Variants in CCDC85A observed in about 807,000 individuals in gnomAD.
CCDC85A encodes coiled-coil domain containing 85A, also known as coiled-coil domain-containing protein 85A.
A neutral mutation model predicts 50.2 loss-of-function variants in CCDC85A; 38 were observed. The observed-to-expected ratio is 0.76, with a 90% CI of 0.58 to 0.99. CCDC85A has a LOEUF of 0.99. Ranked by LOEUF, CCDC85A falls within the 50% of genes least tolerant of loss-of-function variation. CCDC85A has a pLI of 0.00. For synonymous variants in CCDC85A, 366 were observed against 301.4 expected, an observed-to-expected ratio of 1.21 and a Z score of -2.22; for missense variants, 820 against 742.0, an observed-to-expected ratio of 1.11 and a Z score of -1.22.
intron 2 of CCDC85A, among the ~76,000 whole-genome samples, chr2:56,287,117 A>G (rs184861693): frequency 3.4e-4 from 52 of 152,218 alleles, no homozygotes; most frequent in African/African-American, 1.1e-3. Context: ...GTTTTTGTTC[A>G]TCTCCCAGGC....
At chr2:56,207,041 A>G (rs1177624175) in intron 2 of CCDC85A, among the ~76,000 whole-genome samples, 1 of 152,202 alleles carries the variant, frequency 6.6e-6, no homozygotes, top group Non-Finnish European at 1.5e-5. Flanking sequence ...GAAAATCAAT[A>G]AACTAATTCT....
chr2:56,198,211 A>T (rs951888328), intron 2 of CCDC85A, among the ~76,000 whole-genome samples: 2 of 152,272 alleles, frequency 1.3e-5, no homozygotes, highest in Non-Finnish European at 2.9e-5. Context: ...AGTAGTGTGC[A>T]CTATAGCATG....
intron 4 of CCDC85A, 135 bp from the exon 5 acceptor site, chr2:56,375,681 G>A (rs1047045153): frequency 2.4e-6 from 2 of 818,074 alleles, no homozygotes; most frequent in African/African-American, 1.7e-5. Flanking sequence ...CAGATTGATA[G>A]CATTGTAGAC....
intron 2 of CCDC85A, among the ~76,000 whole-genome samples, chr2:56,280,282 G>C (rs1671148461): frequency 6.6e-6 from 1 of 152,098 alleles, no homozygotes; most frequent in Non-Finnish European, 1.5e-5. Context: ...CTCAGCTAGA[G>C]TCATTACCCT....
intron 2 of CCDC85A, among the ~76,000 whole-genome samples, chr2:56,313,633 T>A (rs1362832712): frequency 2.0e-5 from 3 of 152,152 alleles, no homozygotes; most frequent in Non-Finnish European, 4.4e-5. Context: ...TAATAAATCA[T>A]CTATTGGCTA....
At chr2:56,338,424 C>G (rs540189478) in intron 2 of CCDC85A, among the ~76,000 whole-genome samples, 7 of 152,172 alleles carry the variant, frequency 4.6e-5, no homozygotes, top group Admixed American at 2.0e-4. Context: ...GAAATAGCAG[C>G]ATGGGGAAGG....
chr2:56,206,968 T>G (rs1179884184), intron 2 of CCDC85A, among the ~76,000 whole-genome samples: 1 of 152,190 alleles, frequency 6.6e-6, no homozygotes, highest in African/African-American at 2.4e-5. Context: ...GTGTACTGTT[T>G]TTTTGGGGAA....
At chr2:56,257,574 GGGA>G (rs1670036763) in intron 2 of CCDC85A, among the ~76,000 whole-genome samples, 2 of 152,124 alleles carry the variant, frequency 1.3e-5, no homozygotes, top group African/African-American at 4.8e-5. Context: ...AAAAACATCT[GGGA>G]GGAAGGTAGG....
chr2:56,342,967 C>A lies in CCDC85A; in HGVS notation c.1317+12C>A, dbSNP rs373481637. ...GCATGCTGCCCCAGGTGGGTGACTT[C>A]CAGAAGCTCATAGCTAGTCAGTGCC... On this transcript the variant is annotated intron_variant, in intron 3 of 5. Coordinates refer to ENST00000407595, the MANE Select transcript of CCDC85A (RefSeq NM_001080433.2). The A allele has an allele frequency of 1.6e-5, 25 of 1,573,178 alleles. No individual in the cohort carries two copies. The highest frequency in any genetic ancestry group is 2.2e-5 in the Non-Finnish European group (25 of 1,155,176).
chr2:56,297,746 G>C (rs1421517833), intron 2 of CCDC85A, among the ~76,000 whole-genome samples: 1 of 152,184 alleles, frequency 6.6e-6, no homozygotes, highest in Non-Finnish European at 1.5e-5. Context: ...CTTGCCGTGT[G>C]AGGTGATGTC....
At chr2:56,352,790 A>G (rs955190988) in intron 3 of CCDC85A, among the ~76,000 whole-genome samples, 1 of 152,224 alleles carries the variant, frequency 6.6e-6, no homozygotes, top group Non-Finnish European at 1.5e-5. Context: ...TGCTAGAAAT[A>G]ACACCAAATA....
At chr2:56,256,748 A>G (rs1397255055) in intron 2 of CCDC85A, among the ~76,000 whole-genome samples, 1 of 152,226 alleles carries the variant, frequency 6.6e-6, no homozygotes, top group African/African-American at 2.4e-5. Context: ...AGTGGCATGA[A>G]TGACTGCCAC....
At chr2:56,354,257 G>T (rs1675111401) in intron 3 of CCDC85A, among the ~76,000 whole-genome samples, 1 of 152,130 alleles carries the variant, frequency 6.6e-6, no homozygotes, top group Admixed American at 6.6e-5. Flanking sequence ...ATACTTTTCA[G>T]AAATTCAGTT....
intron 2 of CCDC85A, among the ~76,000 whole-genome samples, chr2:56,268,554 C>T (rs1355256659): frequency 1.4e-5 from 2 of 140,964 alleles, no homozygotes; most frequent in East Asian, 2.1e-4. Context: ...GAGATTGCAC[C>T]ACTGCATTCC....
chr2:56,279,197 C>T (rs983878173), intron 2 of CCDC85A, among the ~76,000 whole-genome samples: 2 of 152,196 alleles, frequency 1.3e-5, no homozygotes, highest in Admixed American at 6.5e-5. Flanking sequence ...ATTATCTTCT[C>T]AAGGTCTTTG....
chr2:56,385,732 A>G lies in CCDC85A; in HGVS notation c.*1377A>G, dbSNP rs965033831. ...AATTGTCACTAGTAGGAGACTGTGA[A>G]GGAATTTTGTTATACTTTCAAAAAT... On this transcript the variant is annotated 3_prime_UTR_variant, in exon 6 of 6. Coordinates refer to ENST00000407595, the MANE Select transcript of CCDC85A (RefSeq NM_001080433.2). 1.3e-5 allele frequency: 2 copies of G among 151,956 alleles called. No homozygotes were observed. Among genetic ancestry groups the G allele is most frequent in the Admixed American group, 6.6e-5 (1 of 15,204 alleles). 9.4% of individuals were successfully genotyped at this position (151,956 alleles called of 1,614,324 possible). A position where few individuals can be genotyped will look rare whatever the true frequency, so the allele number is the denominator to read the frequency against.
rs138862288 is a variant in CCDC85A, at chr2:56,254,082, A to G, written c.1240+60642A>G. ...CACACACATATACACATATACATAT[A>G]TGTGCACATACACATATATATGTGT... On this transcript the variant is annotated intron_variant, in intron 2 of 5. Coordinates refer to ENST00000407595, the MANE Select transcript of CCDC85A (RefSeq NM_001080433.2). Among the ~76,000 whole-genome samples, 557 of 152,258 alleles carry G rather than the reference A, an allele frequency of 3.7e-3. 6 individuals are homozygous for G. The highest frequency in any genetic ancestry group is 0.027 in the Middle Eastern group (8 of 294).
Position 56,192,851 on chromosome 2 carries a change from C to T in CCDC85A, c.651C>T (p.Gly217=). ...VGDGSSTSST[G]STDSPDHHKH... ...ACGGCAGCAGCACCTCCAGCACTGG[C>T]AGCACTGACAGCCCGGACCACCACA... Residue 217 remains glycine (G), a synonymous_variant, in exon 2 of 6, where the codon GGC becomes GGT. Transcript: ENST00000407595. This position sits in a 1 kb window ranked among gnomAD's most constrained non-coding sequence, Gnocchi z 4.7. The T allele has an allele frequency of 1.2e-6, 2 of 1,613,288 alleles. No individual in the cohort carries two copies. Among genetic ancestry groups the T allele is most frequent in the South Asian group, 1.1e-5 (1 of 91,042 alleles).
chr2:56,320,042 G>A lies in CCDC85A; in HGVS notation c.1241-22837G>A, dbSNP rs1007809040. ...GCAACCTGCTCCTGAATGACTACTG[G>A]GTACATAACAAAATGAAGGCAGAAA... On this transcript the variant is annotated intron_variant, in intron 2 of 5. Coordinates refer to ENST00000407595, the MANE Select transcript of CCDC85A (RefSeq NM_001080433.2). Among the ~76,000 whole-genome samples the A allele has an allele frequency of 3.9e-5, 6 of 151,932 alleles. No homozygotes were observed. The East Asian group carries it at 9.7e-4, about 25-fold the overall frequency.
Sources: allele counts gnomAD v4.1 joint callset (sites outside exome capture counted in the v4.1 genomes callset), GRCh38; gene constraint gnomAD v4.1.1; non-coding constraint Gnocchi (gnomAD v3.1); transcripts MANE v1.5; gene names NCBI Gene and HGNC (gene_info 2026-07-23, HGNC 2026-07-21).